Variants in RHBDF1 observed in about 807,000 individuals in gnomAD.
RHBDF1 encodes the protein inactive rhomboid protein 1.
A neutral mutation model predicts 98.6 loss-of-function variants in RHBDF1; 80 were observed. The ratio of observed to expected loss-of-function variants is 0.81; its 90% CI spans 0.68 to 0.98. RHBDF1 has a LOEUF of 0.98. Ranked by LOEUF, RHBDF1 falls within the 50% of genes least tolerant of loss-of-function variation. The pLI is 0.00. For synonymous variants in RHBDF1, 512 were observed against 486.8 expected, an observed-to-expected ratio of 1.05 and a Z score of -0.68; for missense variants, 1,116 against 1,198.3, an observed-to-expected ratio of 0.93 and a Z score of 1.01.
In RHBDF1 at chr16:61,238, C is replaced by A. The variant is rs749838921; in HGVS notation, c.1439G>T (p.Arg480Leu). ...HLGAKFSPCM[R>L]QDPQVHSFIR... ...GAAGCTGTGCACCTGCGGGTCCTGG[C>A]GCATGCAGGGCGAAAACTTGGCGCC... Residue 480 changes from arginine to leucine, a missense_variant, in exon 11 of 18, where the codon CGC becomes CTC. Coordinates refer to ENST00000262316, the MANE Select transcript of RHBDF1 (RefSeq NM_022450.5). 2.6e-6 allele frequency: 4 copies of A among 1,545,834 alleles called. No homozygotes were observed. Among genetic ancestry groups the A allele is most frequent in the South Asian group, 1.2e-5 (1 of 83,918 alleles).
Position 58,776 on chromosome 16 carries a change from G to A in RHBDF1, c.2149-17C>T, listed in dbSNP as rs1897482971. On this transcript the variant is annotated splice_polypyrimidine_tract_variant and intron_variant, in intron 17 of 17. Coordinates refer to ENST00000262316, the MANE Select transcript of RHBDF1 (RefSeq NM_022450.5). ...AGGACCCACCTGGGGGATGGTTGGGGTAGCTGTAAGGCAGTGGGGCTGGGC... is the reference window on the plus strand; with the variant it reads ...AGGACCCACCTGGGGGATGGTTGGGATAGCTGTAAGGCAGTGGGGCTGGGC... 1.9e-6 allele frequency: 3 copies of A among 1,609,448 alleles called. No homozygotes were observed. The highest frequency in any genetic ancestry group is 1.7e-5 in the Admixed American group (1 of 59,676).
chr16:70,171 ACAGT>A (rs1567119187), intron 1 of RHBDF1, among the ~76,000 whole-genome samples: 1 of 152,220 alleles, frequency 6.6e-6, no homozygotes, highest in East Asian at 1.9e-4. Context: ...TCCAGGCCAC[ACAGT>A]CAGAAAGGGG....
intron 1 of RHBDF1, among the ~76,000 whole-genome samples, chr16:70,649 A>T (rs1210710846): frequency 1.3e-5 from 2 of 152,244 alleles, no homozygotes; most frequent in African/African-American, 4.8e-5. Context: ...CTTACAGATA[A>T]GGAAACTGAG....
Position 61,960 on chromosome 16 carries a change from C to G in RHBDF1, c.1046G>C (p.Gly349Ala). ...CGCGATACGCTGGCCCCGTCGCGGCCCCGCGGTGCTCACCACCTCCTGTCG... is the reference window on the plus strand; with the variant it reads ...CGCGATACGCTGGCCCCGTCGCGGCGCCGCGGTGCTCACCACCTCCTGTCG... Reference protein sequence around the residue: ...RLRQEVVSTAGPRRGQRIAVP... With the variant: ...RLRQEVVSTAAPRRGQRIAVP... The change falls in exon 8 of 18, where the codon GGG becomes GCG. Residue 349 changes from glycine (G) to alanine (A), a missense_variant. Transcript: ENST00000262316. 6.3e-7 allele frequency: 1 copy of G among 1,593,458 alleles called. No individual in the cohort carries two copies. Among genetic ancestry groups the G allele is most frequent in the Non-Finnish European group, 8.5e-7 (1 of 1,177,472 alleles).
At chr16:68,512 T>A (rs1173829735) in intron 1 of RHBDF1, among the ~76,000 whole-genome samples, 1 of 152,084 alleles carries the variant, frequency 6.6e-6, no homozygotes, top group East Asian at 1.9e-4. Context: ...CGCTGACCCC[T>A]CAGTGTATGG....
chr16:64,470 G>A, intron 3 of RHBDF1: 1 of 1,511,976 alleles, frequency 6.6e-7, no homozygotes, highest in Non-Finnish European at 8.9e-7. Flanking sequence ...GGGCGGTGGA[G>A]ACAGAGAAGG....
chr16:73,049 C>T (rs1358971336), upstream of RHBDF1, among the ~76,000 whole-genome samples: 1 of 152,182 alleles, frequency 6.6e-6, no homozygotes, highest in East Asian at 1.9e-4. Context: ...GTATCCCACA[C>T]TCACCCAATC....
At chr16:63,951 G>A (rs909367838) in intron 3 of RHBDF1, 151 bp from the exon 4 acceptor site, 2 of 777,348 alleles carry the variant, frequency 2.6e-6, no homozygotes, top group Non-Finnish European at 4.5e-6. Context: ...ATAAGAGGAT[G>A]AGTGGGTTCC....
In RHBDF1 at chr16:58,709, C is replaced by A; in HGVS notation, c.2199G>T (p.Glu733Asp). The part of the protein sequence containing the change: ...QFGILACLFV[E>D]LFQSWQILAR... The stretch of plus-strand genomic sequence containing the variant: ...CCAGGATCTGCCAGCTCTGGAAGAG[C>A]TCCACGAAGAGGCAGGCCAGGATGC... The change falls in exon 18 of 18, where the codon GAG becomes GAT. Residue 733 changes from glutamate (E) to aspartate (D), a missense_variant. Coordinates refer to ENST00000262316, the MANE Select transcript of RHBDF1 (RefSeq NM_022450.5). 1 of 1,613,006 alleles carries A rather than the reference C, an allele frequency of 6.2e-7. No homozygotes were observed. The highest frequency in any genetic ancestry group is 8.5e-7 in the Non-Finnish European group (1 of 1,179,892).
At chr16:66,489 G>A (rs372817375) in intron 1 of RHBDF1, among the ~76,000 whole-genome samples, 18 of 152,228 alleles carry the variant, frequency 1.2e-4, no homozygotes, top group East Asian at 1.9e-4. Context: ...CAGAGCTCAC[G>A]GCTCCTTCCG....
chr16:64,447 G>A, intron 3 of RHBDF1: 1 of 1,480,860 alleles, frequency 6.8e-7, no homozygotes, highest in Admixed American at 2.1e-5. Flanking sequence ...GCTGCTAAGA[G>A]GCAAGAGCAT....
At chr16:62,260 A>C (rs1897662267) in intron 7 of RHBDF1, 3 of 748,170 alleles carry the variant, frequency 4.0e-6, no homozygotes, top group Non-Finnish European at 6.3e-6. Flanking sequence ...GACTTCTGCA[A>C]CTCAGCAAGT....
intron 1 of RHBDF1, among the ~76,000 whole-genome samples, chr16:72,285 G>C (rs1897993155): frequency 6.6e-6 from 1 of 152,080 alleles, no homozygotes; most frequent in South Asian, 2.1e-4. Context: ...AGGAATCCGG[G>C]GCTGGGCCGC....
chr16:63,484 G>T (rs112864083), intron 4 of RHBDF1, 103 bp downstream of exon 4: 1 of 1,040,930 alleles, frequency 9.6e-7, no homozygotes, highest in Non-Finnish European at 1.4e-6. Context: ...TCCAGACTGT[G>T]AGCTCCCAGA....
Position 58,387 on chromosome 16 carries a change from T to C in RHBDF1, c.2521A>G (p.Thr841Ala), listed in dbSNP as rs761300254. The C allele has an allele frequency of 6.2e-7, 1 of 1,613,608 alleles. No individual in the cohort carries two copies. The highest frequency in any genetic ancestry group is 1.7e-5 in the Admixed American group (1 of 60,024). ...WCEFLTCIPF[T>A]DKFCEKYELD... ...TCGTACTTCTCACAGAACTTGTCAG[T>C]GAAGGGGATGCAGGTGAGGAACTCA... Residue 841 changes from threonine to alanine, a missense_variant, in exon 18 of 18, where the codon ACT becomes GCT. By Grantham distance (58) the Thr-to-Ala change is moderately conservative. Coordinates refer to ENST00000262316, the MANE Select transcript of RHBDF1 (RefSeq NM_022450.5).
At chr16:74,159 C>T (rs1298982924), upstream of RHBDF1, among the ~76,000 whole-genome samples, 1 of 152,160 alleles carries the variant, frequency 6.6e-6, no homozygotes, top group Non-Finnish European at 1.5e-5. Context: ...ACACTCAGTG[C>T]TCCGATAGCC....
In RHBDF1 at chr16:69,409, G is replaced by A. The variant is rs73493092; in HGVS notation, c.-25+3104C>T. 1.4e-3 allele frequency among the ~76,000 whole-genome samples: 207 copies of A among 152,256 alleles called. 2 individuals carry two copies. The highest frequency in any genetic ancestry group is 6.8e-3 in the Middle Eastern group (2 of 294). ...TCCGCCCAAGGAACTGCCTGCTGCCGAGGTCAGCTGGAGCAAGGGGCCTCA... is the reference window on the plus strand; with the variant it reads ...TCCGCCCAAGGAACTGCCTGCTGCCAAGGTCAGCTGGAGCAAGGGGCCTCA... On this transcript the variant is annotated intron_variant, in intron 1 of 17. Coordinates refer to ENST00000262316, the MANE Select transcript of RHBDF1 (RefSeq NM_022450.5).
At chr16:71,329 A>G (rs1429425473) in intron 1 of RHBDF1, among the ~76,000 whole-genome samples, 1 of 152,136 alleles carries the variant, frequency 6.6e-6, no homozygotes, top group African/African-American at 2.4e-5. Context: ...CCCCATTCTC[A>G]GGAAAAGGGG....
rs1235660108 is a variant in RHBDF1, at chr16:62,964, T to G, written c.672+9A>C. 6.2e-7 allele frequency: 1 copy of G among 1,611,964 alleles called. No homozygotes were observed. Among genetic ancestry groups the G allele is most frequent in the South Asian group, 1.1e-5 (1 of 91,030 alleles). On this transcript the variant is annotated intron_variant, in intron 5 of 17. Transcript: ENST00000262316. ...GGCCCCCAACCCCGCCTTTGGCCCCTGCACCCACTTTCATCAGCGCTGCGG... is the reference window on the plus strand; with the variant it reads ...GGCCCCCAACCCCGCCTTTGGCCCCGGCACCCACTTTCATCAGCGCTGCGG...
Sources: allele counts gnomAD v4.1 joint callset (sites outside exome capture counted in the v4.1 genomes callset), GRCh38; gene constraint gnomAD v4.1.1; transcripts MANE v1.5; gene names NCBI Gene and HGNC (gene_info 2026-07-23, HGNC 2026-07-21).